The following ZNF100 variants were observed in gnomAD, a reference collection of about 807,000 sequenced individuals.
ZNF100 encodes zinc finger protein 100 (Y1).
ZNF100 carries 12 observed loss-of-function variants against 15.8 expected under a neutral mutation model. The ratio of observed to expected loss-of-function variants is 0.76; its 90% CI spans 0.49 to 1.23. ZNF100 has a LOEUF of 1.23. ZNF100 is among the 50% of genes most tolerant of loss of function. The probability of loss-of-function intolerance (pLI) is 0.00; values close to 1 mark genes in which losing one functional copy is unlikely to be tolerated. For missense variants in ZNF100, 670 were observed against 635.6 expected (o/e 1.05, Z -0.58); for synonymous variants, 226 against 214.8 (o/e 1.05, Z -0.45).
At chr19:21,753,909 T>C (rs1775972273) in intron 2 of ZNF100, among the ~76,000 whole-genome samples, 2 of 151,164 alleles carry the variant, frequency 1.3e-5, no homozygotes, top group Admixed American at 1.3e-4. Context: ...AGTCCTGCTA[T>C]TTAAGAAATA....
chr19:21,727,523 A>G lies in ZNF100; in HGVS notation c.789T>C (p.Cys263=). The G allele has an allele frequency of 6.2e-7, 1 of 1,613,818 alleles. No individual in the cohort carries two copies. Among genetic ancestry groups the G allele is most frequent in the Non-Finnish European group, 8.5e-7 (1 of 1,179,860 alleles). ...RIHTGEKPYK[C]EECGKAFNRS... ...GGTTAAATGCTTTCCCACATTCTTC[A>G]CATTTGTAGGGTTTCTCTCCAGTAT... Residue 263 remains cysteine (C), a synonymous_variant, in exon 5 of 5, where the codon TGT becomes TGC. Coordinates refer to ENST00000358296, the MANE Select transcript of ZNF100 (RefSeq NM_173531.4).
chr19:21,751,171 CATCT>C, intron 2 of ZNF100: 1 of 1,326,226 alleles, frequency 7.5e-7, no homozygotes. Flanking sequence ...CCACTTAAAT[CATCT>C]ATCTCCAGGG....
Position 21,767,553 on chromosome 19 carries a change from G to GGACA in ZNF100, c.-125_-124insTGTC. On this transcript the variant is annotated 5_prime_UTR_variant, in exon 1 of 5. Coordinates refer to ENST00000358296, the MANE Select transcript of ZNF100 (RefSeq NM_173531.4). The stretch of plus-strand genomic sequence containing the variant: ...CAGAGAAGTGAGAGCAAAACCTGGA[G>GGACA]CTCCGGCTACAGCGAGAGACAAAGA... 5 of 1,427,866 alleles carry GGACA rather than the reference G, an allele frequency of 3.5e-6. No individual in the cohort carries two copies. Among genetic ancestry groups the GGACA allele is most frequent in the Non-Finnish European group, 3.8e-6 (4 of 1,048,308 alleles). 88.4% of individuals were successfully genotyped at this position (1,427,866 alleles called of 1,614,324 possible).
Position 21,767,571 on chromosome 19 carries a change from G to A in ZNF100, c.-142C>T. ...ACCTGGAGCTCCGGCTACAGCGAGA[G>A]ACAAAGACCCCGCCAAACCCGGAAG... On this transcript the variant is annotated 5_prime_UTR_variant, in exon 1 of 5. Transcript: ENST00000358296. The A allele has an allele frequency of 9.6e-6, 13 of 1,347,502 alleles. No homozygotes were observed. In the South Asian group the frequency reaches 1.4e-4, roughly 14 times the overall value. The allele number at this position is 1,347,502 out of a possible 1,614,324, so 83.5% of individuals were successfully genotyped here.
chr19:21,731,798 T>C (rs2035924873), intron 4 of ZNF100, among the ~76,000 whole-genome samples: 1 of 152,210 alleles, frequency 6.6e-6, no homozygotes, highest in South Asian at 2.1e-4. Context: ...AGCAGTCACA[T>C]TCTTAGAAAT....
At chr19:21,758,356 C>A (rs2036425066) in intron 2 of ZNF100, among the ~76,000 whole-genome samples, 2 of 152,168 alleles carry the variant, frequency 1.3e-5, no homozygotes, top group South Asian at 4.1e-4. Flanking sequence ...ACAAAATAAT[C>A]TACACCAAAC....
rs2035716548 is a variant in ZNF100 at position 21,723,382 on chromosome 19, A to C, written c.*3301T>G. The C allele has an allele frequency of 2.0e-5, 3 of 150,944 alleles. No individual in the cohort carries two copies. The highest frequency in any genetic ancestry group is 4.4e-5 in the Non-Finnish European group (3 of 68,160). 9.4% of individuals were successfully genotyped at this position (150,944 alleles called of 1,614,324 possible). Reference sequence around the variant, plus strand: ...TCTCAAAAAAAAAAAAAAAAAAAAAAACAACCAACTTTCTCGTCAAAATTT... The same window carrying C: ...TCTCAAAAAAAAAAAAAAAAAAAAACACAACCAACTTTCTCGTCAAAATTT... On this transcript the variant is annotated 3_prime_UTR_variant, in exon 5 of 5. Transcript: ENST00000358296.
At chr19:21,737,612 A>T (rs2036031954) in intron 4 of ZNF100, among the ~76,000 whole-genome samples, 1 of 152,084 alleles carries the variant, frequency 6.6e-6, no homozygotes, top group Non-Finnish European at 1.5e-5. Flanking sequence ...CTATGCACAT[A>T]AACTGGAAAA....
intron 2 of ZNF100, among the ~76,000 whole-genome samples, chr19:21,760,409 C>T (rs1443236586): frequency 6.6e-6 from 1 of 150,670 alleles, no homozygotes; most frequent in Non-Finnish European, 1.5e-5. Flanking sequence ...GCGGGAGAAT[C>T]GCTTGAACCT....
chr19:21,755,949 G>A (rs1233178724), intron 2 of ZNF100, among the ~76,000 whole-genome samples: 3 of 152,124 alleles, frequency 2.0e-5, no homozygotes, highest in Non-Finnish European at 2.9e-5. Context: ...ATGGTGAGGA[G>A]ACAGAACATA....
chr19:21,760,754 G>GTTTTTTTT (rs59317162), intron 2 of ZNF100, among the ~76,000 whole-genome samples: 2 of 102,092 alleles, frequency 2.0e-5, no homozygotes, highest in Non-Finnish European at 3.9e-5. Context: ...GAACTTTCTT[G>GTTTTTTTT]TTTTTTTTTT....
chr19:21,727,262 A>C lies in ZNF100; in HGVS notation c.1050T>G (p.Cys350Trp), dbSNP rs773172516. ...TGEKPYKCEE[C>W]GKAFNQSSTL... is the part of the protein sequence containing the mutation. ...TTGAGGACTGGTTAAAGGCTTTGCC[A>C]CATTCTTCACATTTGTAGGGTTTCT... Residue 350 changes from cysteine to tryptophan, a missense_variant, in exon 5 of 5, where the codon TGT becomes TGG. Coordinates refer to ENST00000358296, the MANE Select transcript of ZNF100 (RefSeq NM_173531.4). The C allele has an allele frequency of 1.2e-6, 2 of 1,613,680 alleles. No homozygotes were observed. Among genetic ancestry groups the C allele is most frequent in the East Asian group, 4.5e-5 (2 of 44,870 alleles).
intron 2 of ZNF100, among the ~76,000 whole-genome samples, chr19:21,760,195 A>AAAAG (rs2036459139): frequency 1.3e-5 from 2 of 149,898 alleles, no homozygotes; most frequent in Non-Finnish European, 3.0e-5. Context: ...AAAAAAAAAA[A>AAAAG]GGAAATTGCT....
intron 4 of ZNF100, among the ~76,000 whole-genome samples, chr19:21,737,761 A>C (rs2036034587): frequency 6.6e-6 from 1 of 152,198 alleles, no homozygotes; most frequent in South Asian, 2.1e-4. Flanking sequence ...AAAGAAGCCC[A>C]GGACCAGATG....
chr19:21,732,806 T>C (rs1376266907), intron 4 of ZNF100, among the ~76,000 whole-genome samples: 3 of 152,062 alleles, frequency 2.0e-5, no homozygotes, highest in Admixed American at 1.3e-4. Context: ...CAAATTTTTA[T>C]GTAACAAAAA....
intron 4 of ZNF100, among the ~76,000 whole-genome samples, chr19:21,741,229 G>T (rs1015045652): frequency 2.0e-5 from 3 of 152,204 alleles, no homozygotes; most frequent in Non-Finnish European, 4.4e-5. Context: ...GAAAGTGGAA[G>T]GGTGTTTGTC....
rs2036291468 is a variant in ZNF100, at chr19:21,750,757, G to A, written c.97-5690C>T. ...CTTGCGCGGGTGCAGCCTGGGCTGC[G>A]CCATTGTTGGGGGAGGGGCGGCTGC... is the stretch of plus-strand genomic sequence containing the variant. On this transcript the variant is annotated intron_variant, in intron 2 of 4. Transcript: ENST00000358296. 1.1e-5 allele frequency: 4 copies of A among 357,354 alleles called. No individual in the cohort carries two copies. The South Asian group carries it at 3.8e-4, about 34-fold the overall frequency. The allele number at this position is 357,354 out of a possible 1,614,324, so 22.1% of individuals were successfully genotyped here. A position where few individuals can be genotyped will look rare whatever the true frequency, so the allele number is the denominator to read the frequency against.
chr19:21,726,914 A>T lies in ZNF100; in HGVS notation c.1398T>A (p.Phe466Leu), dbSNP rs202235978. The T allele has an allele frequency of 6.3e-4, 1,014 of 1,612,028 alleles. 1 individual carries two copies. Among genetic ancestry groups the T allele is most frequent in the African/African-American group, 2.6e-3 (193 of 75,008 alleles). Residue 466 changes from phenylalanine to leucine, a missense_variant, in exon 5 of 5, where the codon TTT (phenylalanine) becomes TTA (leucine). Transcript: ENST00000358296. ...GTGCAGTTAGTTGTGAGGACCGGTT[A>T]AAGGCTTTGCCACATTCGTCACATT... ...PYKCDECGKAFNRSSQLTAHK... is the reference protein window; with the variant it reads ...PYKCDECGKALNRSSQLTAHK...
At chr19:21,743,707 G>A (rs1281946105) in intron 4 of ZNF100, among the ~76,000 whole-genome samples, 1 of 152,014 alleles carries the variant, frequency 6.6e-6, no homozygotes, top group African/African-American at 2.4e-5. Flanking sequence ...CCAAATAATG[G>A]AAAAGTAGGG....
Sources: allele counts gnomAD v4.1 joint callset (sites outside exome capture counted in the v4.1 genomes callset), GRCh38; gene constraint gnomAD v4.1.1; transcripts MANE v1.5; gene names NCBI Gene and HGNC (gene_info 2026-07-23, HGNC 2026-07-21).